The following TOP1MT variants were observed in gnomAD, a reference collection of about 807,000 sequenced individuals.
The protein encoded by TOP1MT is DNA topoisomerase I, mitochondrial.
TOP1MT carries 80 observed loss-of-function variants against 73.9 expected under a neutral mutation model. The ratio of observed to expected loss-of-function variants is 1.08; its 90% CI spans 0.90 to 1.30. The LOEUF is 1.30. TOP1MT is among the 50% of genes most tolerant of loss of function. TOP1MT has a pLI of 0.00. For missense variants in TOP1MT, 815 were observed against 808.0 expected, an observed-to-expected ratio of 1.01 and a Z score of -0.10; for synonymous variants, 338 against 326.4, an observed-to-expected ratio of 1.04 and a Z score of -0.38.
At chr8:143,325,586 C>T in intron 4 of TOP1MT, 53 bp from the exon 5 acceptor site, 1 of 1,544,456 alleles carries the variant, frequency 6.5e-7, no homozygotes, top group Non-Finnish European at 8.9e-7. Flanking sequence ...AGAGAACAGG[C>T]CTCAGTCCGT....
At position 143,334,874 on chromosome 8, in the gene TOP1MT, G is replaced by C; in HGVS notation, c.-13C>G. 1 of 1,464,886 alleles carries C rather than the reference G, an allele frequency of 6.8e-7. No individual in the cohort carries two copies. The highest frequency in any genetic ancestry group is 8.9e-7 in the Non-Finnish European group (1 of 1,119,742). 90.7% of individuals were successfully genotyped at this position (1,464,886 alleles called of 1,614,324 possible). A position where few individuals can be genotyped will look rare whatever the true frequency, so the allele number is the denominator to read the frequency against. On this transcript the variant is annotated 5_prime_UTR_variant, in exon 1 of 14. Coordinates refer to ENST00000329245, the MANE Select transcript of TOP1MT (RefSeq NM_052963.3). ...GCACCACGCGCATCTGCCAGCCTCCGGGAAAGAGCGACAAGCTGGGCCCCG... is the reference window on the plus strand; with the variant it reads ...GCACCACGCGCATCTGCCAGCCTCCCGGAAAGAGCGACAAGCTGGGCCCCG...
intron 12 of TOP1MT, among the ~76,000 whole-genome samples, chr8:143,311,051 C>T (rs1042869166): frequency 4.0e-5 from 6 of 151,350 alleles, no homozygotes; most frequent in Non-Finnish European, 7.4e-5. Flanking sequence ...CTCTGCCTCC[C>T]GGGTTCAAGT....
Position 143,324,560 on chromosome 8 carries a change from C to A in TOP1MT, c.741G>T (p.Thr247=). The A allele has an allele frequency of 1.2e-6, 2 of 1,613,832 alleles. No individual in the cohort carries two copies. Among genetic ancestry groups the A allele is most frequent in the Non-Finnish European group, 1.7e-6 (2 of 1,180,004 alleles). Residue 247 remains threonine, a synonymous_variant, in exon 6 of 14, where the codon ACG becomes ACT. Transcript: ENST00000329245. ...WKEVRSDNTV[T]WLAAWTESVQ... Reference sequence around the variant, plus strand: ...CGCTCTCGGTCCAAGCTGCCAGCCACGTGACGGTGTTATCGGAGCGCACCT... The same window carrying A: ...CGCTCTCGGTCCAAGCTGCCAGCCAAGTGACGGTGTTATCGGAGCGCACCT...
At chr8:143,343,654 G>T in intron 1 of TOP1MT, 1 of 159,924 alleles carries the variant, frequency 6.3e-6, no homozygotes, top group East Asian at 1.7e-4. Context: ...TCATCAATTT[G>T]GAAAAACAGT....
intron 1 of TOP1MT, among the ~76,000 whole-genome samples, chr8:143,352,837 C>T (rs1480887953): frequency 6.6e-6 from 1 of 152,212 alleles, no homozygotes; most frequent in African/African-American, 2.4e-5. Flanking sequence ...AAAGCCAAGC[C>T]TGGTCTCAAT....
At chr8:143,350,999 C>T (rs1817310386) in intron 1 of TOP1MT, among the ~76,000 whole-genome samples, 1 of 152,174 alleles carries the variant, frequency 6.6e-6, no homozygotes, top group South Asian at 2.1e-4. Flanking sequence ...CCGCTGGTCG[C>T]TTCAGTGAAA....
chr8:143,321,233 G>T lies in TOP1MT; in HGVS notation c.1114C>A (p.Arg372Ser), dbSNP rs369953420. ...EFDFLGKDCI[R>S]YYNRVPVEKP... ...TCCACCGGCACTCTGTTGTAGTAGC[G>T]GATGCAGTCCTTCCCCAGGAAGTCA... The change falls in exon 8 of 14, where the codon CGC becomes AGC. Residue 372 changes from arginine (R) to serine (S), a missense_variant. Transcript: ENST00000329245. 1 of 1,610,848 alleles carries T rather than the reference G, an allele frequency of 6.2e-7. No individual in the cohort carries two copies. The highest frequency in any genetic ancestry group is 1.1e-5 in the South Asian group (1 of 90,842).
chr8:143,321,331 C>A lies in TOP1MT; in HGVS notation c.1016G>T (p.Gly339Val). The change falls in exon 8 of 14, where the codon GGC (glycine) becomes GTC (valine). Residue 339 changes from glycine (G) to valine (V), a missense_variant. Around this residue, in one of 3 missense-constraint regions of TOP1MT, gnomAD observed 751 missense variants for 725.4 expected, o/e 1.04. Transcript: ENST00000329245. ...GTGCTCCACGCGGAGGGAACAGCAG[C>A]CCACGGTGTCGGCCGCCTCACCGTC... ...KEDGEAADTVGCCSLRVEHVQ... is the reference protein window; with the variant it reads ...KEDGEAADTVVCCSLRVEHVQ... 1.2e-6 allele frequency: 2 copies of A among 1,603,958 alleles called. No homozygotes were observed. Among genetic ancestry groups the A allele is most frequent in the Non-Finnish European group, 1.7e-6 (2 of 1,172,342 alleles).
chr8:143,323,723 CACACACACATGCACG>C (rs1172414499), intron 7 of TOP1MT, among the ~76,000 whole-genome samples: 10 of 53,666 alleles, frequency 1.9e-4, no homozygotes, highest in South Asian at 1.4e-3. Flanking sequence ...ACATGCACGC[CACACACACATGCACG>C]CCACACACAT....
intron 7 of TOP1MT, among the ~76,000 whole-genome samples, chr8:143,322,956 ACACGCACGCCACACACG>A (rs1283825844): frequency 6.5e-3 from 620 of 95,266 alleles, no homozygotes; most frequent in Non-Finnish European, 0.01. Context: ...CACACGCCAC[ACACGCACGCCACACACG>A]CACGCACGCC....
At chr8:143,329,589 T>C (rs3812436) in intron 2 of TOP1MT, 118 bp from the exon 3 acceptor site, 709,313 of 1,241,674 alleles carry the variant, frequency 0.57, 204,469 homozygotes, top group East Asian at 0.75. Context: ...AGCAAGAAGC[T>C]AGGCCTTCTT....
chr8:143,332,701 A>G, intron 1 of TOP1MT: 2 of 581,938 alleles, frequency 3.4e-6, no homozygotes, highest in South Asian at 3.3e-5. Flanking sequence ...GTAGAGACGG[A>G]GCTGATAAAG....
chr8:143,353,885 A>ATCCG (rs1231660586), intron 1 of TOP1MT, among the ~76,000 whole-genome samples: 1 of 141,916 alleles, frequency 7.0e-6, no homozygotes, highest in South Asian at 2.3e-4. Flanking sequence ...GATCGCTTGA[A>ATCCG]TCCAGGAGGC....
intron 12 of TOP1MT, among the ~76,000 whole-genome samples, chr8:143,315,399 C>T (rs1024517832): frequency 2.0e-5 from 3 of 152,192 alleles, no homozygotes; most frequent in African/African-American, 7.2e-5. Context: ...GGAAGGGCCC[C>T]GTGTCCAGTG....
intron 8 of TOP1MT, among the ~76,000 whole-genome samples, chr8:143,320,942 C>G (rs1010949241): frequency 2.0e-5 from 3 of 152,174 alleles, no homozygotes; most frequent in African/African-American, 4.8e-5. Flanking sequence ...ATGCTCCGGC[C>G]GGGGGGCAGG....
chr8:143,321,321 G>C lies in TOP1MT; in HGVS notation c.1026C>G (p.Ser342=). 1 of 1,608,318 alleles carries C rather than the reference G, an allele frequency of 6.2e-7. No individual in the cohort carries two copies. The highest frequency in any genetic ancestry group is 8.5e-7 in the Non-Finnish European group (1 of 1,175,804). ...GEAADTVGCC[S]LRVEHVQLHP... is the part of the protein sequence containing the mutation. Reference sequence around the variant, plus strand: ...GCAGCTGGACGTGCTCCACGCGGAGGGAACAGCAGCCCACGGTGTCGGCCG... The same window carrying C: ...GCAGCTGGACGTGCTCCACGCGGAGCGAACAGCAGCCCACGGTGTCGGCCG... Residue 342 remains serine, a synonymous_variant, in exon 8 of 14, where the codon TCC becomes TCG. Coordinates refer to ENST00000329245, the MANE Select transcript of TOP1MT (RefSeq NM_052963.3).
At chr8:143,331,391 C>A in intron 1 of TOP1MT, 52 bp from the exon 2 acceptor site, 1 of 1,495,108 alleles carries the variant, frequency 6.7e-7, no homozygotes, top group Non-Finnish European at 9.2e-7. Flanking sequence ...CCTGCATGAG[C>A]CTCTTCCCCG....
chr8:143,342,293 C>CTGT, intron 2 of TOP1MT, among the ~76,000 whole-genome samples: 1 of 128,462 alleles, frequency 7.8e-6, no homozygotes, highest in Non-Finnish European at 1.5e-5. Flanking sequence ...CAGAGTCTCG[C>CTGT]TGTTATTATT....
At chr8:143,309,596 G>A (rs1157425235) in intron 13 of TOP1MT, 53 bp from the exon 14 acceptor site, 15 of 1,608,208 alleles carry the variant, frequency 9.3e-6, no homozygotes, top group Non-Finnish European at 1.3e-5. Flanking sequence ...CACCTTGAAG[G>A]CCAGGTCAGG....
Sources: gnomAD v4.1 joint callset for allele counts (sites outside exome capture counted in the v4.1 genomes callset) on GRCh38, gnomAD v4.1.1 for gene constraint, gnomAD v4.1.1 regional missense constraint, MANE v1.5 for transcripts, NCBI Gene and HGNC (gene_info 2026-07-23, HGNC 2026-07-21) for gene names.